Variants in DLGAP2 observed in about 807,000 individuals in gnomAD.
DLGAP2 encodes the protein disks large-associated protein 2.
A neutral mutation model predicts 100.3 loss-of-function variants in DLGAP2; 26 were observed. That is an observed-to-expected ratio of 0.26 (90% confidence interval 0.19 to 0.36). The LOEUF (loss-of-function observed/expected upper bound fraction) is 0.36. DLGAP2 is among the 10% of genes least tolerant of loss of function. DLGAP2 has a pLI of 1.00. For synonymous variants in DLGAP2, 886 were observed against 630.1 expected (o/e 1.41, Z -6.08); for missense variants, 1,858 against 1,453.2 (o/e 1.28, Z -4.53).
intron 3 of DLGAP2, among the ~76,000 whole-genome samples, chr8:1,370,248 C>G (rs980843257): frequency 6.6e-5 from 10 of 152,134 alleles, no homozygotes; most frequent in Non-Finnish European, 1.5e-4. Flanking sequence ...GAGGTGATGT[C>G]CCACGGTGCC....
chr8:1,588,348 T>G (rs1796188892), intron 6 of DLGAP2, among the ~76,000 whole-genome samples: 1 of 152,060 alleles, frequency 6.6e-6, no homozygotes, highest in African/African-American at 2.4e-5. Context: ...GAGGACACAG[T>G]TAAGTGGAAT....
intron 2 of DLGAP2, among the ~76,000 whole-genome samples, chr8:916,959 T>C (rs1378562994): frequency 1.3e-5 from 2 of 152,204 alleles, no homozygotes; most frequent in African/African-American, 2.4e-5. Flanking sequence ...GCCTGGGCCA[T>C]AGCCTTCCTC....
intron 9 of DLGAP2, among the ~76,000 whole-genome samples, chr8:1,669,111 C>G (rs73672916): frequency 6.6e-6 from 1 of 152,082 alleles, no homozygotes; most frequent in Non-Finnish European, 1.5e-5. Context: ...CCAAAAGGTG[C>G]TGGGAATGAA....
chr8:1,420,766 A>C (rs77102936), intron 3 of DLGAP2, among the ~76,000 whole-genome samples: 1,937 of 152,212 alleles, frequency 0.013, 49 homozygotes, highest in African/African-American at 0.045. Context: ...TAATCTTGTT[A>C]ACTTGGCCCT....
At chr8:1,285,058 C>G (rs994700298) in intron 3 of DLGAP2, among the ~76,000 whole-genome samples, 1 of 152,164 alleles carries the variant, frequency 6.6e-6, no homozygotes, top group African/African-American at 2.4e-5. Flanking sequence ...CACTATCATG[C>G]CCATGCCATT....
chr8:1,377,406 A>T (rs922067816), intron 3 of DLGAP2, among the ~76,000 whole-genome samples: 4 of 152,172 alleles, frequency 2.6e-5, no homozygotes, highest in Non-Finnish European at 4.4e-5. Flanking sequence ...TAGCCAGGCG[A>T]GGTGGCAGGC....
chr8:869,820 T>C (rs527806949), intron 1 of DLGAP2, among the ~76,000 whole-genome samples: 1 of 152,224 alleles, frequency 6.6e-6, no homozygotes, highest in Non-Finnish European at 1.5e-5. Flanking sequence ...GCGGGCCTGA[T>C]GGGCACCCCG....
Position 1,377,502 on chromosome 8 carries a change from C to A in DLGAP2, c.106+118619C>A, listed in dbSNP as rs541246826. 1.4e-4 allele frequency among the ~76,000 whole-genome samples: 22 copies of A among 152,240 alleles called. No homozygotes were observed. The South Asian group carries it at 4.6e-3, about 32-fold the overall frequency. The stretch of plus-strand genomic sequence containing the variant: ...GAGCTGGCAGTGAGCTGAGATCGCA[C>A]CACTGCACTCCAGCCCGGGCGATAG... On this transcript the variant is annotated intron_variant, in intron 3 of 14. Coordinates refer to ENST00000637795, the MANE Select transcript of DLGAP2 (RefSeq NM_001346810.2).
At chr8:1,618,609 G>A (rs1797231613) in intron 6 of DLGAP2, among the ~76,000 whole-genome samples, 1 of 152,204 alleles carries the variant, frequency 6.6e-6, no homozygotes, top group Non-Finnish European at 1.5e-5. Context: ...TGATAAAAAA[G>A]AACACAGTTG....
intron 4 of DLGAP2, among the ~76,000 whole-genome samples, chr8:1,546,098 C>G (rs994795502): frequency 2.0e-5 from 3 of 152,166 alleles, no homozygotes; most frequent in African/African-American, 7.2e-5. Flanking sequence ...AAAATAATAT[C>G]TAAATATTCC....
chr8:867,239 C>G (rs1388378314), intron 1 of DLGAP2, among the ~76,000 whole-genome samples: 1 of 152,218 alleles, frequency 6.6e-6, no homozygotes, highest in South Asian at 2.1e-4. Flanking sequence ...TTGGGTCTTT[C>G]CTGGATGCAA....
chr8:1,306,550 T>C (rs1403099907), intron 3 of DLGAP2, among the ~76,000 whole-genome samples: 2 of 152,104 alleles, frequency 1.3e-5, no homozygotes, highest in Non-Finnish European at 2.9e-5. Context: ...CACCCTAAAA[T>C]TTATATGGAA....
chr8:1,574,918 G>A (rs543127785), intron 6 of DLGAP2, among the ~76,000 whole-genome samples: 4 of 152,274 alleles, frequency 2.6e-5, no homozygotes, highest in South Asian at 2.1e-4. Context: ...ATGTTTCTTC[G>A]CCTAAGAATT....
rs189560515 is a variant in DLGAP2, at chr8:1,217,553, C to T, written c.74-41298C>T. On this transcript the variant is annotated intron_variant, in intron 2 of 14. Coordinates refer to ENST00000637795, the MANE Select transcript of DLGAP2 (RefSeq NM_001346810.2). ...CTGTAAACTGCTTGGACTGTTTTCC[C>T]ATTTGCTTGTTTCATCTCTGATTTC... Among the ~76,000 whole-genome samples, 391 of 152,150 alleles carry T rather than the reference C, an allele frequency of 2.6e-3. 2 individuals are homozygous for T. The highest frequency in any genetic ancestry group is 8.9e-3 in the African/African-American group (370 of 41,518).
intron 3 of DLGAP2, among the ~76,000 whole-genome samples, chr8:1,377,316 G>A (rs960755456): frequency 3.3e-4 from 50 of 152,292 alleles, no homozygotes; most frequent in Admixed American, 1.8e-3. Flanking sequence ...AGGCCGAGGC[G>A]GGCGAATCAC....
intron 3 of DLGAP2, among the ~76,000 whole-genome samples, chr8:1,329,872 T>G (rs1244712976): frequency 6.6e-6 from 1 of 152,206 alleles, no homozygotes; most frequent in African/African-American, 2.4e-5. Context: ...AACCTTGTCT[T>G]CTAGCTCTGC....
intron 1 of DLGAP2, among the ~76,000 whole-genome samples, chr8:771,261 T>G (rs1355538248): frequency 1.3e-5 from 2 of 152,230 alleles, no homozygotes; most frequent in Non-Finnish European, 2.9e-5. Flanking sequence ...TGCTCAAAAC[T>G]AAGAGATATG....
intron 2 of DLGAP2, among the ~76,000 whole-genome samples, chr8:986,168 G>T (rs76778919): frequency 1.3e-5 from 2 of 152,110 alleles, no homozygotes; most frequent in Non-Finnish European, 2.9e-5. Context: ...GAGTGTGACT[G>T]GTTGGGAAGA....
intron 3 of DLGAP2, among the ~76,000 whole-genome samples, chr8:1,466,336 C>T (rs1798624761): frequency 1.3e-5 from 2 of 152,052 alleles, no homozygotes; most frequent in South Asian, 4.1e-4. Flanking sequence ...CCCAGCCGAC[C>T]CTCATCCTCA....
Sources: gnomAD v4.1 joint callset for allele counts (sites outside exome capture counted in the v4.1 genomes callset) on GRCh38, gnomAD v4.1.1 for gene constraint, MANE v1.5 for transcripts, NCBI Gene and HGNC (gene_info 2026-07-23, HGNC 2026-07-21) for gene names.